The following RASEF variants were observed in gnomAD, a reference collection of about 807,000 sequenced individuals.
RASEF encodes the protein ras and EF-hand domain-containing protein.
RASEF carries 68 observed loss-of-function variants against 90.1 expected under a neutral mutation model. That is an observed-to-expected ratio of 0.75 (90% CI 0.62 to 0.92). The LOEUF (loss-of-function observed/expected upper bound fraction) is 0.92. RASEF is among the 40% of genes least tolerant of loss of function. The pLI is 0.00. For missense variants in RASEF, 949 were observed against 937.2 expected (o/e 1.01, Z -0.16); for synonymous variants, 331 against 345.2 (o/e 0.96, Z 0.46).
chr9:83,107,989 T>C, the RASEF span, among the ~76,000 whole-genome samples: 1 of 152,172 alleles, frequency 6.6e-6, no homozygotes, highest in African/African-American at 2.4e-5. Context: ...TACACACTGG[T>C]CTATAATCCC....
the RASEF span, among the ~76,000 whole-genome samples, chr9:83,192,936 G>A: frequency 2.0e-5 from 3 of 152,174 alleles, no homozygotes; most frequent in Admixed American, 2.0e-4. Flanking sequence ...CCATGAGAAT[G>A]TGTGTTGGCC....
the RASEF span, among the ~76,000 whole-genome samples, chr9:83,130,450 G>T: frequency 2.0e-5 from 3 of 152,086 alleles, no homozygotes; most frequent in Non-Finnish European, 2.9e-5. Flanking sequence ...TCACATTAAG[G>T]TTCACTCTTG....
chr9:83,175,464 T>C, the RASEF span, among the ~76,000 whole-genome samples: 2 of 152,200 alleles, frequency 1.3e-5, no homozygotes, highest in Admixed American at 6.6e-5. Context: ...ACCCTAGTAG[T>C]AGTAGTGTAT....
the RASEF span, among the ~76,000 whole-genome samples, chr9:83,182,237 G>A: frequency 6.6e-6 from 1 of 152,208 alleles, no homozygotes; most frequent in Admixed American, 6.5e-5. Context: ...TGAGACACAA[G>A]TGTGCTGCTT....
At chr9:83,031,607 T>TA (rs1221432746) in intron 1 of RASEF, among the ~76,000 whole-genome samples, 3 of 152,150 alleles carry the variant, frequency 2.0e-5, no homozygotes, top group Non-Finnish European at 4.4e-5. Flanking sequence ...ACACCAAAAG[T>TA]AAGTGCTAAG....
At chr9:83,188,565 A>G in the RASEF span, among the ~76,000 whole-genome samples, 4 of 152,218 alleles carry the variant, frequency 2.6e-5, no homozygotes, top group African/African-American at 7.2e-5. Flanking sequence ...TTGGAATGGA[A>G]CAAGAGACAA....
the RASEF span, among the ~76,000 whole-genome samples, chr9:83,099,020 T>C: frequency 6.6e-6 from 1 of 152,224 alleles, no homozygotes; most frequent in African/African-American, 2.4e-5. Context: ...ATTGTAGATG[T>C]ACACACCCAC....
At chr9:83,026,567 C>A (rs954596154) in intron 1 of RASEF, among the ~76,000 whole-genome samples, 1 of 152,000 alleles carries the variant, frequency 6.6e-6, no homozygotes, top group Non-Finnish European at 1.5e-5. Context: ...GAGAACAGTA[C>A]GGGGGAAACC....
chr9:83,121,257 G>A, the RASEF span, among the ~76,000 whole-genome samples: 1 of 152,044 alleles, frequency 6.6e-6, no homozygotes, highest in African/African-American at 2.4e-5. Context: ...ACACACGTAA[G>A]TATATCAGTT....
intron 1 of RASEF, among the ~76,000 whole-genome samples, chr9:83,046,659 G>A (rs1829936234): frequency 6.6e-6 from 1 of 152,140 alleles, no homozygotes; most frequent in South Asian, 2.1e-4. Flanking sequence ...AACAAATGTG[G>A]GTTGGCTCTT....
Position 83,032,287 on chromosome 9 carries a change from T to G in RASEF, c.432-6366A>C, listed in dbSNP as rs17085979. ...CTGGGCCTGACCCAGTTGGCACAAG[T>G]GAGTGCTGAGAAGGGTGACAAGTAG... On this transcript the variant is annotated intron_variant, in intron 1 of 16. Transcript: ENST00000376447. 4.9e-3 allele frequency among the ~76,000 whole-genome samples: 743 copies of G among 152,250 alleles called. 10 individuals are homozygous for G. Among genetic ancestry groups the G allele is most frequent in the African/African-American group, 0.017 (715 of 41,546 alleles).
At chr9:83,012,715 G>C (rs544939637) in intron 4 of RASEF, among the ~76,000 whole-genome samples, 3 of 152,298 alleles carry the variant, frequency 2.0e-5, no homozygotes, top group Admixed American at 6.5e-5. Flanking sequence ...TGAAAAAGGG[G>C]TTTTGTTGTG....
chr9:82,983,151 A>ACAC (rs1554704252), intron 16 of RASEF, among the ~76,000 whole-genome samples: 36 of 125,590 alleles, frequency 2.9e-4, no homozygotes, highest in African/African-American at 1.0e-3. Flanking sequence ...ACACACACAC[A>ACAC]CACACCCTTC....
intron 16 of RASEF, among the ~76,000 whole-genome samples, chr9:82,989,427 C>A (rs915470085): frequency 7.9e-5 from 12 of 152,132 alleles, no homozygotes; most frequent in African/African-American, 2.9e-4. Flanking sequence ...CTCCTTCCTG[C>A]TAACTTTTCC....
chr9:83,115,868 A>G, the RASEF span, among the ~76,000 whole-genome samples: 1 of 151,868 alleles, frequency 6.6e-6, no homozygotes, highest in South Asian at 2.1e-4. Flanking sequence ...AATGAGGAAA[A>G]TATTTGCTAA....
chr9:83,125,667 G>A, the RASEF span, among the ~76,000 whole-genome samples: 15 of 152,208 alleles, frequency 9.9e-5, no homozygotes, highest in South Asian at 6.2e-4. Context: ...TAATGAAGTC[G>A]TTTTTTATTC....
chr9:83,100,639 T>C, the RASEF span, among the ~76,000 whole-genome samples: 2 of 152,180 alleles, frequency 1.3e-5, no homozygotes, highest in Non-Finnish European at 2.9e-5. Context: ...GATTTCATGA[T>C]AACAAATCAG....
chr9:83,086,704 C>G, the RASEF span, among the ~76,000 whole-genome samples: 15 of 152,254 alleles, frequency 9.9e-5, no homozygotes, highest in African/African-American at 3.6e-4. Context: ...TGGCTGTTGG[C>G]TGGAGAACTC....
the RASEF span, among the ~76,000 whole-genome samples, chr9:83,139,016 G>A: frequency 6.6e-6 from 1 of 152,054 alleles, no homozygotes; most frequent in Non-Finnish European, 1.5e-5. Flanking sequence ...AAAACATCAG[G>A]CTCTCTGTAA....
Sources: gnomAD v4.1 joint callset for allele counts (sites outside exome capture counted in the v4.1 genomes callset) on GRCh38, gnomAD v4.1.1 for gene constraint, MANE v1.5 for transcripts, NCBI Gene and HGNC (gene_info 2026-07-23, HGNC 2026-07-21) for gene names.